PUS10: variants seen among roughly 807,000 people sequenced by gnomAD.
PUS10 encodes the protein tRNA pseudouridine synthase Pus10.
In PUS10, 59 loss-of-function variants were observed where a neutral mutation model predicts 75.0. The observed-to-expected ratio is 0.79, with a 90% CI of 0.64 to 0.98. The LOEUF is 0.98. Among genes scored for constraint, PUS10 ranks in the 50% least tolerant of loss-of-function variants. The pLI is 0.00. For synonymous variants in PUS10, 219 were observed against 211.6 expected (o/e 1.03, Z -0.30); for missense variants, 650 against 614.4 (o/e 1.06, Z -0.61).
intron 4 of PUS10, among the ~76,000 whole-genome samples, chr2:60,972,760 G>T (rs981731388): frequency 9.2e-5 from 14 of 152,234 alleles, no homozygotes; most frequent in Admixed American, 8.5e-4. Context: ...TTCGTATGTA[G>T]ACCTGTCCTT....
At chr2:60,992,285 G>A (rs939547036) in intron 4 of PUS10, among the ~76,000 whole-genome samples, 2 of 151,940 alleles carry the variant, frequency 1.3e-5, no homozygotes, top group African/African-American at 4.8e-5. Context: ...CAAAGTGCTG[G>A]GATTATAGGC....
At chr2:60,984,184 A>G (rs1028575889) in intron 4 of PUS10, among the ~76,000 whole-genome samples, 1 of 152,188 alleles carries the variant, frequency 6.6e-6, no homozygotes, top group Non-Finnish European at 1.5e-5. Context: ...CCACAAACAA[A>G]GGTAAATGGC....
chr2:61,018,096 G>T lies in PUS10; in HGVS notation c.-104C>A. 6.5e-7 allele frequency: 1 copy of T among 1,540,254 alleles called. No individual in the cohort carries two copies. Among genetic ancestry groups the T allele is most frequent in the Non-Finnish European group, 8.8e-7 (1 of 1,142,586 alleles). ...TTCGGGAGCTCCTGGGCGTCTCTCT[G>T]GGTCTCTGTGCTTGAAAGAAAGGGG... On this transcript the variant is annotated 5_prime_UTR_variant, in exon 1 of 18. Transcript: ENST00000316752.
At chr2:60,978,254 T>TAAAAATA (rs1677158515) in intron 4 of PUS10, among the ~76,000 whole-genome samples, 2 of 151,634 alleles carry the variant, frequency 1.3e-5, no homozygotes, top group Admixed American at 1.3e-4. Context: ...AAACCCCATC[T>TAAAAATA]CTACTAAAAA....
chr2:60,952,540 T>C (rs1675408521), intron 15 of PUS10, among the ~76,000 whole-genome samples: 6 of 152,186 alleles, frequency 3.9e-5, no homozygotes. Context: ...TCAGTTCTAT[T>C]AGATAAGTGC....
At position 60,992,213 on chromosome 2, in the gene PUS10, G is replaced by A. The variant is rs72809420; in HGVS notation, c.468+14344C>T. On this transcript the variant is annotated intron_variant, in intron 4 of 17. Coordinates refer to ENST00000316752, the MANE Select transcript of PUS10 (RefSeq NM_144709.4). ...ACATTTTTAGTAGAGACGGGTTTTC[G>A]CCATGTTGACCAAGCTGGTCGTGAA... Among the ~76,000 whole-genome samples the A allele has an allele frequency of 2.5e-3, 386 of 152,032 alleles. 3 individuals are homozygous for A. Among genetic ancestry groups the A allele is most frequent in the Middle Eastern group, 0.02 (6 of 294 alleles).
chr2:61,013,951 AAAC>A (rs34082267), intron 1 of PUS10, among the ~76,000 whole-genome samples: 162 of 151,238 alleles, frequency 1.1e-3, no homozygotes, highest in South Asian at 6.7e-3. Flanking sequence ...AAATACAAAC[AAAC>A]AACAACAACA....
At chr2:60,983,780 T>C (rs1333189326) in intron 4 of PUS10, among the ~76,000 whole-genome samples, 1 of 152,064 alleles carries the variant, frequency 6.6e-6, no homozygotes, top group African/African-American at 2.4e-5. Context: ...ACTGTATATA[T>C]TTTTAAAATA....
intron 4 of PUS10, among the ~76,000 whole-genome samples, chr2:60,999,466 T>C (rs1678703889): frequency 6.6e-6 from 1 of 151,878 alleles, no homozygotes; most frequent in African/African-American, 2.4e-5. Context: ...AAATAAAAAA[T>C]AAGTTATCTG....
intron 5 of PUS10, among the ~76,000 whole-genome samples, chr2:60,970,662 G>C (rs1676604116): frequency 6.6e-6 from 1 of 152,012 alleles, no homozygotes; most frequent in Admixed American, 6.6e-5. Context: ...GGCGGGGGAG[G>C]GGACGGAAAT....
rs1405693437 is a variant in PUS10 at position 61,009,033 on chromosome 2, G to T, written c.127-18C>A. The T allele has an allele frequency of 6.3e-7, 1 of 1,597,342 alleles. No individual in the cohort carries two copies. The highest frequency in any genetic ancestry group is 8.5e-7 in the Non-Finnish European group (1 of 1,173,982). ...AGCAACTCCTGGAAAGTTAATGAAA[G>T]AAAAAGTAATGACCCACTGACAATG... On this transcript the variant is annotated intron_variant, in intron 2 of 17. Transcript: ENST00000316752.
intron 4 of PUS10, among the ~76,000 whole-genome samples, chr2:60,973,977 G>C (rs1676862303): frequency 6.6e-6 from 1 of 152,104 alleles, no homozygotes; most frequent in African/African-American, 2.4e-5. Context: ...CGACCTGCCT[G>C]CAGAGAGGAG....
intron 4 of PUS10, among the ~76,000 whole-genome samples, chr2:60,988,974 C>T (rs1024826565): frequency 1.3e-5 from 2 of 151,944 alleles, no homozygotes; most frequent in African/African-American, 4.8e-5. Flanking sequence ...CCTAAAACAG[C>T]AGTACAGAGG....
chr2:60,983,118 C>T (rs1313753654), intron 4 of PUS10, among the ~76,000 whole-genome samples: 1 of 152,034 alleles, frequency 6.6e-6, no homozygotes, highest in Non-Finnish European at 1.5e-5. Flanking sequence ...GTTTCAAAAT[C>T]CTGGCCTTAA....
chr2:60,973,469 C>A (rs1676825070), intron 4 of PUS10, among the ~76,000 whole-genome samples: 2 of 152,256 alleles, frequency 1.3e-5, no homozygotes, highest in Admixed American at 6.5e-5. Context: ...CGAGCCTGGG[C>A]ACTGTCGCAG....
At chr2:60,944,230 G>C (rs886745319) in intron 17 of PUS10, 1 of 985,112 alleles carries the variant, frequency 1.0e-6, no homozygotes. Context: ...TTGAGGGCAC[G>C]ATCACTGGCT....
At chr2:61,007,883 C>G (rs1679335915) in intron 3 of PUS10, among the ~76,000 whole-genome samples, 1 of 151,068 alleles carries the variant, frequency 6.6e-6, no homozygotes, top group Non-Finnish European at 1.5e-5. Flanking sequence ...GAGATTAAGA[C>G]CATCCTGGCT....
At chr2:60,958,513 T>C (rs1341763447) in intron 11 of PUS10, among the ~76,000 whole-genome samples, 1 of 152,186 alleles carries the variant, frequency 6.6e-6, no homozygotes, top group Non-Finnish European at 1.5e-5. Context: ...ATCTAGACCA[T>C]GTGTTTGTCA....
Position 60,945,058 on chromosome 2 carries a change from A to G in PUS10, c.1502T>C (p.Ile501Thr), listed in dbSNP as rs772247692. The G allele has an allele frequency of 1.7e-5, 27 of 1,613,982 alleles. No individual in the cohort carries two copies. The highest frequency in any genetic ancestry group is 2.7e-5 in the African/African-American group (2 of 74,922). The change falls in exon 17 of 18, where the codon ATT becomes ACT. Residue 501 changes from isoleucine to threonine, a missense_variant. Physicochemically the swap from Ile to Thr is moderately conservative, Grantham distance 89 (BLOSUM62 -1). Transcript: ENST00000316752. ...HGDFGRTKPN[I>T]GSLMNVTADI... Reference sequence around the variant, plus strand: ...TGCAGTCACATTCATCAGGGACCCAATGTTTGGCTTGGTTCTCCCGAAGTC... The same window carrying G: ...TGCAGTCACATTCATCAGGGACCCAGTGTTTGGCTTGGTTCTCCCGAAGTC...
Sources: allele counts gnomAD v4.1 joint callset (sites outside exome capture counted in the v4.1 genomes callset), GRCh38; gene constraint gnomAD v4.1.1; transcripts MANE v1.5; gene names NCBI Gene and HGNC (gene_info 2026-07-23, HGNC 2026-07-21).